Variants in PPFIA2 observed in about 807,000 individuals in gnomAD.
PPFIA2 encodes the protein liprin-alpha-2.
Under a neutral mutation model 175.5 loss-of-function variants are expected in PPFIA2, and 46 were observed. That is an observed-to-expected ratio of 0.26 (90% CI 0.21 to 0.34). The LOEUF is 0.34. PPFIA2 is among the 10% of genes least tolerant of loss of function. The pLI is 1.00. For synonymous variants in PPFIA2, 568 were observed against 511.4 expected (o/e 1.11, Z -1.49); for missense variants, 1,179 against 1,506.1 (o/e 0.78, Z 3.60).
chr12:81,515,971 AT>A (rs368297217), intron 4 of PPFIA2, among the ~76,000 whole-genome samples: 15,609 of 149,366 alleles, frequency 0.1, 938 homozygotes, highest in Middle Eastern at 0.2. Context: ...AGCATGCCAA[AT>A]TTTTTTTTTT....
At chr12:81,591,995 G>A (rs1460741620) in intron 4 of PPFIA2, among the ~76,000 whole-genome samples, 2 of 152,156 alleles carry the variant, frequency 1.3e-5, no homozygotes, top group Admixed American at 1.3e-4. Flanking sequence ...CAGCCAGGAA[G>A]GAGGCTGTAC....
At chr12:81,373,632 T>C (rs2035699580) in intron 11 of PPFIA2, among the ~76,000 whole-genome samples, 1 of 151,494 alleles carries the variant, frequency 6.6e-6, no homozygotes, top group Non-Finnish European at 1.5e-5. Context: ...GTCAAAGGTT[T>C]GTCTTTCATT....
chr12:81,583,561 A>G (rs967753691), intron 4 of PPFIA2, among the ~76,000 whole-genome samples: 1 of 151,960 alleles, frequency 6.6e-6, no homozygotes, highest in Non-Finnish European at 1.5e-5. Context: ...AAGATTTATT[A>G]AAACAAATTG....
At chr12:81,685,714 A>G (rs1208209352) in intron 3 of PPFIA2, among the ~76,000 whole-genome samples, 1 of 152,098 alleles carries the variant, frequency 6.6e-6, no homozygotes, top group Non-Finnish European at 1.5e-5. Flanking sequence ...TGTTAAAATT[A>G]TAACAGACAG....
chr12:81,412,677 T>C (rs1375776620), intron 7 of PPFIA2, among the ~76,000 whole-genome samples: 6 of 151,938 alleles, frequency 3.9e-5, no homozygotes, highest in African/African-American at 9.7e-5. Flanking sequence ...TTGTTGCTGG[T>C]TGTACGATCT....
intron 4 of PPFIA2, among the ~76,000 whole-genome samples, chr12:81,519,280 T>G (rs2148007390): frequency 6.6e-6 from 1 of 152,340 alleles, no homozygotes; most frequent in Middle Eastern, 3.4e-3. Flanking sequence ...TTCAAATTGA[T>G]TCTATTCTCC....
intron 8 of PPFIA2, among the ~76,000 whole-genome samples, chr12:81,388,300 G>T (rs1035933213): frequency 1.1e-4 from 17 of 152,122 alleles, no homozygotes; most frequent in African/African-American, 4.1e-4. Flanking sequence ...AACTTGATAT[G>T]CTTGTACAAT....
intron 3 of PPFIA2, among the ~76,000 whole-genome samples, chr12:81,732,271 T>C (rs1477198403): frequency 6.6e-6 from 1 of 151,718 alleles, no homozygotes; most frequent in East Asian, 1.9e-4. Flanking sequence ...TTTAAATAAT[T>C]GCTAATAGCT....
chr12:81,420,120 G>A (rs188631000), intron 7 of PPFIA2, among the ~76,000 whole-genome samples: 5 of 152,242 alleles, frequency 3.3e-5, no homozygotes, highest in African/African-American at 9.6e-5. Flanking sequence ...CAGCCACTGT[G>A]TCCTTCAGAG....
intron 4 of PPFIA2, among the ~76,000 whole-genome samples, chr12:81,580,506 A>G (rs1243538651): frequency 6.6e-6 from 1 of 151,800 alleles, no homozygotes; most frequent in Admixed American, 6.6e-5. Context: ...TTTATATGGT[A>G]TTTATATAAA....
At chr12:81,330,180 C>G (rs116954608) in intron 21 of PPFIA2, among the ~76,000 whole-genome samples, 1 of 152,052 alleles carries the variant, frequency 6.6e-6, no homozygotes, top group African/African-American at 2.4e-5. Context: ...CATGCTCCTA[C>G]GCACGATAGC....
chr12:81,368,847 T>G lies in PPFIA2; in HGVS notation c.1360A>C (p.Arg454=). The change falls in exon 13 of 33, where the codon AGA becomes CGA. Residue 454 remains arginine, a synonymous_variant. Coordinates refer to ENST00000549396, the MANE Select transcript of PPFIA2 (RefSeq NM_003625.5). ...KNQELQRARQ[R]EKMNEEHNKR... The stretch of plus-strand genomic sequence containing the variant: ...TTATGCTCCTCATTCATTTTCTCTC[T>G]TTGCCTAGCCTTACATTTTAAAAAA... 6.2e-7 allele frequency: 1 copy of G among 1,609,394 alleles called. No individual in the cohort carries two copies. Among genetic ancestry groups the G allele is most frequent in the Middle Eastern group, 1.7e-4 (1 of 6,034 alleles).
intron 21 of PPFIA2, among the ~76,000 whole-genome samples, chr12:81,335,835 G>A (rs1470199932): frequency 6.6e-5 from 10 of 152,060 alleles, no homozygotes; most frequent in Admixed American, 5.2e-4. Context: ...CCAGATCCCC[G>A]AGTAAGCTAG....
intron 4 of PPFIA2, among the ~76,000 whole-genome samples, chr12:81,649,093 G>T (rs73364549): frequency 6.6e-6 from 1 of 151,316 alleles, no homozygotes; most frequent in African/African-American, 2.4e-5. Flanking sequence ...TCAAAAACAA[G>T]GAAAAAAATA....
At chr12:81,695,868 A>C (rs1452417088) in intron 3 of PPFIA2, among the ~76,000 whole-genome samples, 1 of 152,114 alleles carries the variant, frequency 6.6e-6, no homozygotes, top group Non-Finnish European at 1.5e-5. Flanking sequence ...CCCTGACCTC[A>C]TTTCTTAATT....
rs553511938 is a variant in PPFIA2 at position 81,259,525 on chromosome 12, C to T, written c.*169G>A. ...ATCAAATGTAATATCTGACTCCCCC[C>T]AAAAATCACATTTTTCAGCTTTTAA... is the stretch of plus-strand genomic sequence containing the variant. On this transcript the variant is annotated 3_prime_UTR_variant, in exon 33 of 33. Coordinates refer to ENST00000549396, the MANE Select transcript of PPFIA2 (RefSeq NM_003625.5). The T allele has an allele frequency of 9.1e-7, 1 of 1,097,198 alleles. No homozygotes were observed. The highest frequency in any genetic ancestry group is 1.3e-6 in the Non-Finnish European group (1 of 761,836). The allele number at this position is 1,097,198 out of a possible 1,614,324, so 68.0% of individuals were successfully genotyped here.
At chr12:81,429,144 A>T (rs1161097831) in intron 7 of PPFIA2, among the ~76,000 whole-genome samples, 2 of 152,114 alleles carry the variant, frequency 1.3e-5, no homozygotes, top group East Asian at 3.8e-4. Flanking sequence ...ATGCATAAAC[A>T]TGTGGAAAAT....
At chr12:81,290,529 T>C (rs1364056142) in intron 24 of PPFIA2, among the ~76,000 whole-genome samples, 1 of 151,810 alleles carries the variant, frequency 6.6e-6, no homozygotes, top group Non-Finnish European at 1.5e-5. Context: ...AAGAGGTACA[T>C]ATATTCCGTG....
At chr12:81,583,891 T>G (rs1595261092) in intron 4 of PPFIA2, among the ~76,000 whole-genome samples, 1 of 151,928 alleles carries the variant, frequency 6.6e-6, no homozygotes, top group Non-Finnish European at 1.5e-5. Context: ...CCATGGCTGG[T>G]ATGTATGTAT....
Sources: gnomAD v4.1 joint callset for allele counts (sites outside exome capture counted in the v4.1 genomes callset) on GRCh38, gnomAD v4.1.1 for gene constraint, MANE v1.5 for transcripts, NCBI Gene and HGNC (gene_info 2026-07-23, HGNC 2026-07-21) for gene names.